The following RALYL variants were observed in gnomAD, a reference collection of about 807,000 sequenced individuals.
The protein encoded by RALYL is RNA-binding Raly-like protein.
In RALYL, 29 loss-of-function variants were observed where a neutral mutation model predicts 35.1. The ratio of observed to expected loss-of-function variants is 0.83; its 90% CI spans 0.61 to 1.13. The LOEUF is 1.13. Ranked by LOEUF, RALYL falls within the 50% of genes most tolerant of loss-of-function variation. The probability of loss-of-function intolerance (pLI) is 0.00; values close to 1 mark genes in which losing one functional copy is unlikely to be tolerated. For missense variants in RALYL, 359 were observed against 360.4 expected (o/e 1.00, Z 0.03); for synonymous variants, 120 against 127.6 (o/e 0.94, Z 0.40).
intron 6 of RALYL, among the ~76,000 whole-genome samples, chr8:84,869,956 C>A (rs764338509): frequency 9.2e-5 from 14 of 152,012 alleles, no homozygotes; most frequent in Non-Finnish European, 2.9e-5. Context: ...ACATTTATCA[C>A]CAAATCAATG....
At chr8:84,356,692 G>A (rs1563782447) in intron 1 of RALYL, among the ~76,000 whole-genome samples, 1 of 150,316 alleles carries the variant, frequency 6.7e-6, no homozygotes, top group Non-Finnish European at 1.5e-5. Flanking sequence ...GCTTAGAACA[G>A]TTGTTCTCAA....
intron 2 of RALYL, among the ~76,000 whole-genome samples, chr8:84,599,681 T>A (rs1356568001): frequency 1.3e-5 from 2 of 152,056 alleles, no homozygotes; most frequent in Non-Finnish European, 2.9e-5. Flanking sequence ...ATTCTTTAAG[T>A]GTTTTATCAT....
rs7817516 is a variant in RALYL at position 84,591,999 on chromosome 8, A to G, written c.256+62422A>G. On this transcript the variant is annotated intron_variant, in intron 2 of 8. Transcript: ENST00000521268. ...TGTTGTTCAATGTGAATTTTGTACT[A>G]TAGCTCTTTTATATTTTATTGTTTC... 3.7e-3 allele frequency among the ~76,000 whole-genome samples: 564 copies of G among 152,190 alleles called. 6 individuals carry two copies. The highest frequency in any genetic ancestry group is 0.013 in the African/African-American group (540 of 41,522).
Position 84,589,047 on chromosome 8 carries a change from G to A in RALYL, c.256+59470G>A, listed in dbSNP as rs189890317. 3.4e-3 allele frequency among the ~76,000 whole-genome samples: 516 copies of A among 152,046 alleles called. 4 individuals are homozygous for A. The highest frequency in any genetic ancestry group is 0.012 in the African/African-American group (502 of 41,472). ...CGAGTAGTTGGGATTACAGGCATGC[G>A]CCACCACGCCCAGCTAATTTTTGTA... On this transcript the variant is annotated intron_variant, in intron 2 of 8. Transcript: ENST00000521268.
chr8:84,288,534 T>TATCTTTTTTCTGCATTTTTAGTTGC (rs527881141), intron 1 of RALYL, among the ~76,000 whole-genome samples: 3,952 of 151,136 alleles, frequency 0.026, 288 homozygotes, highest in East Asian at 0.15. Context: ...TGTCATGTTG[T>TATCTTTTTTCTGCATTTTTAGTTGC]ATCTTTTTTC....
At chr8:84,387,123 GTA>G (rs2131698238) in intron 1 of RALYL, among the ~76,000 whole-genome samples, 1 of 151,946 alleles carries the variant, frequency 6.6e-6, no homozygotes, top group South Asian at 2.1e-4. Flanking sequence ...AGGATTAGAG[GTA>G]ATGTATGTAA....
At chr8:84,403,730 G>C (rs965215988) in intron 1 of RALYL, among the ~76,000 whole-genome samples, 2 of 151,830 alleles carry the variant, frequency 1.3e-5, no homozygotes, top group Non-Finnish European at 2.9e-5. Context: ...GAAAGTCAGT[G>C]ATAGCTTGAT....
At chr8:84,753,932 G>A (rs1585965348) in intron 2 of RALYL, among the ~76,000 whole-genome samples, 1 of 152,058 alleles carries the variant, frequency 6.6e-6, no homozygotes, top group South Asian at 2.1e-4. Context: ...CTGCATAAAT[G>A]TCTTCTTTTG....
At chr8:84,619,192 G>A (rs1053005549) in intron 2 of RALYL, among the ~76,000 whole-genome samples, 3 of 151,582 alleles carry the variant, frequency 2.0e-5, no homozygotes, top group African/African-American at 7.3e-5. Flanking sequence ...TTGACAGTGG[G>A]GTGTTAAAGT....
At chr8:84,611,175 C>G (rs1417894484) in intron 2 of RALYL, among the ~76,000 whole-genome samples, 1 of 152,044 alleles carries the variant, frequency 6.6e-6, no homozygotes, top group African/African-American at 2.4e-5. Context: ...AATAAGATGC[C>G]ACTGAGTGCA....
At chr8:84,826,250 A>G (rs1377347908) in intron 4 of RALYL, among the ~76,000 whole-genome samples, 3 of 149,640 alleles carry the variant, frequency 2.0e-5, no homozygotes, top group Admixed American at 6.7e-5. Context: ...TCATCATACA[A>G]TGCACCCAAG....
rs190077716 is a variant in RALYL at position 84,197,731 on chromosome 8, A to G, written c.-24+13307A>G. On this transcript the variant is annotated intron_variant, in intron 1 of 8. Transcript: ENST00000521268. ...GATAGCTTGAGCCCAGGAGTTCGAG[A>G]CTGCCTGGGCAATATAGCGAGACCC... 1.6e-4 allele frequency among the ~76,000 whole-genome samples: 24 copies of G among 151,426 alleles called. No homozygotes were observed. The East Asian group carries it at 4.7e-3, about 30-fold the overall frequency.
At chr8:84,436,188 A>C (rs1008552759) in intron 1 of RALYL, among the ~76,000 whole-genome samples, 1 of 152,136 alleles carries the variant, frequency 6.6e-6, no homozygotes, top group Admixed American at 6.6e-5. Flanking sequence ...TAAATACTCT[A>C]GATGATTCTG....
intron 2 of RALYL, among the ~76,000 whole-genome samples, chr8:84,706,757 A>G (rs1841291005): frequency 6.6e-6 from 1 of 150,982 alleles, no homozygotes; most frequent in Non-Finnish European, 1.5e-5. Flanking sequence ...CTAAAAATCA[A>G]AAGATTGTTA....
chr8:84,413,327 T>A (rs2044284849), intron 1 of RALYL, among the ~76,000 whole-genome samples: 1 of 151,780 alleles, frequency 6.6e-6, no homozygotes, highest in Admixed American at 6.6e-5. Context: ...TATAAATGAC[T>A]ATTATGTATT....
At chr8:84,841,532 C>A (rs1318892134) in intron 4 of RALYL, among the ~76,000 whole-genome samples, 1 of 152,190 alleles carries the variant, frequency 6.6e-6, no homozygotes, top group East Asian at 1.9e-4. Context: ...GACTTTAACA[C>A]ACCACTGTCA....
intron 2 of RALYL, among the ~76,000 whole-genome samples, chr8:84,696,303 C>T (rs1337320958): frequency 1.3e-5 from 2 of 151,446 alleles, no homozygotes; most frequent in Non-Finnish European, 3.0e-5. Flanking sequence ...ATTTATGCTA[C>T]TGAAAACACA....
At chr8:84,301,226 G>A (rs927972729) in intron 1 of RALYL, among the ~76,000 whole-genome samples, 1 of 151,982 alleles carries the variant, frequency 6.6e-6, no homozygotes, top group Non-Finnish European at 1.5e-5. Flanking sequence ...CTTCTCACTT[G>A]TAGGATTCCT....
At chr8:84,913,788 TG>T (rs201320027) in intron 8 of RALYL, among the ~76,000 whole-genome samples, 1 of 151,928 alleles carries the variant, frequency 6.6e-6, no homozygotes, top group Non-Finnish European at 1.5e-5. Context: ...AAGCTTTAAG[TG>T]GTTTTTTTTA....
Sources: gnomAD v4.1 joint callset for allele counts (sites outside exome capture counted in the v4.1 genomes callset) on GRCh38, gnomAD v4.1.1 for gene constraint, MANE v1.5 for transcripts, NCBI Gene and HGNC (gene_info 2026-07-23, HGNC 2026-07-21) for gene names.